The following ADAMTS19 variants were observed in gnomAD, a reference collection of about 807,000 sequenced individuals.
The protein encoded by ADAMTS19 is A disintegrin and metalloproteinase with thrombospondin motifs 19.
A neutral mutation model predicts 153.3 loss-of-function variants in ADAMTS19; 93 were observed. That is an observed-to-expected ratio of 0.61 (90% CI 0.51 to 0.72). The LOEUF is 0.72. ADAMTS19 is among the 30% of genes least tolerant of loss of function. The pLI is 0.00. For synonymous variants in ADAMTS19, 600 were observed against 556.6 expected, an observed-to-expected ratio of 1.08 and a Z score of -1.10; for missense variants, 1,482 against 1,552.1, an observed-to-expected ratio of 0.95 and a Z score of 0.76.
At chr5:129,489,673 G>C (rs1750706274) in intron 2 of ADAMTS19, among the ~76,000 whole-genome samples, 1 of 152,068 alleles carries the variant, frequency 6.6e-6, no homozygotes, top group Admixed American at 6.5e-5. Context: ...GAAAATGAAA[G>C]GCCAGAGCAA....
chr5:129,735,717 GTTAT>G (rs1326427111), intron 22 of ADAMTS19, among the ~76,000 whole-genome samples: 1 of 151,822 alleles, frequency 6.6e-6, no homozygotes. Flanking sequence ...CTCAATTTCT[GTTAT>G]TTAATCTAAC....
At chr5:129,693,339 A>C (rs940775505) in intron 18 of ADAMTS19, among the ~76,000 whole-genome samples, 6 of 152,110 alleles carry the variant, frequency 3.9e-5, no homozygotes, top group African/African-American at 1.4e-4. Context: ...CTGTTAATTG[A>C]GTGGCAGAAT....
At chr5:129,718,354 A>AG (rs1161018057) in intron 21 of ADAMTS19, among the ~76,000 whole-genome samples, 1 of 152,172 alleles carries the variant, frequency 6.6e-6, no homozygotes, top group Non-Finnish European at 1.5e-5. Context: ...TCCAAAAAAA[A>AG]TAATGAATTA....
chr5:129,640,547 A>G (rs1214731065), intron 10 of ADAMTS19, among the ~76,000 whole-genome samples: 1 of 152,162 alleles, frequency 6.6e-6, no homozygotes. Context: ...TATCTTATCA[A>G]TCTGCTGCTG....
At chr5:129,647,948 A>G in intron 12 of ADAMTS19, 53 bp downstream of exon 12, 12 of 1,569,960 alleles carry the variant, frequency 7.6e-6, no homozygotes, top group Non-Finnish European at 1.0e-5. Flanking sequence ...TTGGAATGCA[A>G]AGGTTTTACT....
chr5:129,495,862 C>G (rs898627756), intron 2 of ADAMTS19, among the ~76,000 whole-genome samples: 1 of 152,036 alleles, frequency 6.6e-6, no homozygotes, highest in Non-Finnish European at 1.5e-5. Context: ...TATATCAGCT[C>G]TTTAGGTGTA....
At chr5:129,537,571 C>G (rs35140971) in intron 6 of ADAMTS19, among the ~76,000 whole-genome samples, 2 of 151,990 alleles carry the variant, frequency 1.3e-5, no homozygotes, top group South Asian at 2.1e-4. Context: ...TGTGGCACAT[C>G]TACACCATGG....
chr5:129,502,954 G>T (rs1053367816), intron 2 of ADAMTS19, among the ~76,000 whole-genome samples: 2 of 152,142 alleles, frequency 1.3e-5, no homozygotes, highest in African/African-American at 4.8e-5. Context: ...GAAGGCAGTG[G>T]TTACTTTGGA....
At chr5:129,545,181 GAAT>G (rs10548357) in intron 6 of ADAMTS19, among the ~76,000 whole-genome samples, 3,726 of 152,126 alleles carry the variant, frequency 0.024, 117 homozygotes, top group African/African-American at 0.078. Flanking sequence ...CAAAATATGA[GAAT>G]AAGATGTTTT....
intron 17 of ADAMTS19, among the ~76,000 whole-genome samples, chr5:129,682,122 C>T (rs905437422): frequency 6.6e-6 from 1 of 152,064 alleles, no homozygotes; most frequent in African/African-American, 2.4e-5. Flanking sequence ...CTGCAGAATC[C>T]TTAATCTAAC....
At chr5:129,473,508 TAGAA>T (rs1750132655) in intron 2 of ADAMTS19, among the ~76,000 whole-genome samples, 4 of 152,080 alleles carry the variant, frequency 2.6e-5, no homozygotes, top group Admixed American at 2.6e-4. Flanking sequence ...TATTACAAGA[TAGAA>T]AGTTTGAGTA....
chr5:129,464,392 G>A (rs1404680875), intron 2 of ADAMTS19, among the ~76,000 whole-genome samples: 4 of 152,122 alleles, frequency 2.6e-5, no homozygotes, highest in Non-Finnish European at 4.4e-5. Context: ...ATGGCCATGA[G>A]TTTGCAACAA....
intron 2 of ADAMTS19, among the ~76,000 whole-genome samples, chr5:129,489,501 A>G (rs1750699125): frequency 6.6e-6 from 1 of 152,184 alleles, no homozygotes. Flanking sequence ...TTTGACCTAC[A>G]GTAAAACAAA....
chr5:129,679,837 T>G lies in ADAMTS19; in HGVS notation c.2580T>G (p.Ala860=). The change falls in exon 17 of 23, where the codon GCT becomes GCG. Residue 860 remains alanine (A), a synonymous_variant. Coordinates refer to ENST00000274487, the MANE Select transcript of ADAMTS19 (RefSeq NM_133638.6). ...AACACTCTGGAGCCTTCAATTTGGC[T>G]GGAACTACCGTTCATTATGTAAGAC... is the stretch of plus-strand genomic sequence containing the variant. ...KIEHSGAFNL[A]GTTVHYVRRG... 1 of 1,614,032 alleles carries G rather than the reference T, an allele frequency of 6.2e-7. No individual in the cohort carries two copies.
At chr5:129,621,724 A>G (rs546382058) in intron 9 of ADAMTS19, among the ~76,000 whole-genome samples, 53 of 152,320 alleles carry the variant, frequency 3.5e-4, no homozygotes, top group African/African-American at 1.2e-3. Context: ...CCACTTTAAA[A>G]TATATTACAG....
At chr5:129,728,245 T>C (rs1407021699) in intron 21 of ADAMTS19, among the ~76,000 whole-genome samples, 27 of 152,086 alleles carry the variant, frequency 1.8e-4, no homozygotes, top group Admixed American at 1.8e-3. Context: ...TCCCGGAAAA[T>C]TCATGAATAA....
intron 3 of ADAMTS19, among the ~76,000 whole-genome samples, chr5:129,519,961 A>G (rs1440477749): frequency 6.6e-6 from 1 of 152,136 alleles, no homozygotes; most frequent in Non-Finnish European, 1.5e-5. Context: ...GATTAAGTGC[A>G]CCAAAATCAC....
intron 2 of ADAMTS19, among the ~76,000 whole-genome samples, chr5:129,475,472 T>G (rs1168215972): frequency 6.6e-6 from 1 of 152,264 alleles, no homozygotes; most frequent in African/African-American, 2.4e-5. Flanking sequence ...TATTGATTTA[T>G]GTAGCTTATA....
At chr5:129,717,472 C>CGTAT (rs1756784767) in intron 21 of ADAMTS19, among the ~76,000 whole-genome samples, 2 of 152,134 alleles carry the variant, frequency 1.3e-5, no homozygotes, top group Admixed American at 6.5e-5. Flanking sequence ...CGTAGTCATA[C>CGTAT]AACTCTCTTC....
Sources: allele counts gnomAD v4.1 joint callset (sites outside exome capture counted in the v4.1 genomes callset), GRCh38; gene constraint gnomAD v4.1.1; transcripts MANE v1.5; gene names NCBI Gene and HGNC (gene_info 2026-07-23, HGNC 2026-07-21).